Variants in LRP1B observed in about 807,000 individuals in gnomAD.
The protein encoded by LRP1B is LDL receptor related protein 1B.
LRP1B carries 217 observed loss-of-function variants against 556.6 expected under a neutral mutation model. The ratio of observed to expected loss-of-function variants is 0.39; its 90% CI spans 0.35 to 0.44. The LOEUF is 0.44. LRP1B is among the 20% of genes least tolerant of loss of function. The pLI is 1.00. For synonymous variants in LRP1B, 2,047 were observed against 1,865.8 expected (o/e 1.10, Z -2.50); for missense variants, 5,053 against 5,620.8 (o/e 0.90, Z 3.23).
chr2:140,531,759 A>G (rs575185252), intron 47 of LRP1B, among the ~76,000 whole-genome samples: 1 of 152,172 alleles, frequency 6.6e-6, no homozygotes, highest in Admixed American at 6.6e-5. Context: ...ACTGACACAC[A>G]TGAATGTCAT....
chr2:141,505,666 A>T (rs1189589566), intron 2 of LRP1B, among the ~76,000 whole-genome samples: 1 of 152,058 alleles, frequency 6.6e-6, no homozygotes, highest in Admixed American at 6.6e-5. Context: ...TTATAAAGTA[A>T]GCTTTTGAAA....
rs546804198 is a variant in LRP1B, at chr2:141,580,760, C to G, written c.206-100227G>C. On this transcript the variant is annotated intron_variant, in intron 2 of 90. Coordinates refer to ENST00000389484, the MANE Select transcript of LRP1B (RefSeq NM_018557.3). ...CACAAAACTTCACGGCAAACACCTT[C>G]GAGTTTTGAAAATGAGACATTTGTT... Among the ~76,000 whole-genome samples the G allele has an allele frequency of 7.9e-5, 12 of 152,310 alleles. No homozygotes were observed. The South Asian group carries it at 8.3e-4, about 11-fold the overall frequency.
At chr2:140,514,478 T>C (rs967692856) in intron 51 of LRP1B, among the ~76,000 whole-genome samples, 175 bp downstream of exon 51, 1 of 151,950 alleles carries the variant, frequency 6.6e-6, no homozygotes, top group Non-Finnish European at 1.5e-5. Flanking sequence ...CAGCTTTATA[T>C]ATAAAAATAT....
intron 1 of LRP1B, among the ~76,000 whole-genome samples, chr2:141,985,661 G>C (rs1702167466): frequency 6.6e-6 from 1 of 151,570 alleles, no homozygotes; most frequent in African/African-American, 2.4e-5. Flanking sequence ...AAAATGTGAT[G>C]AGAATTTTGA....
chr2:141,422,804 A>AT (rs890634867), intron 3 of LRP1B, among the ~76,000 whole-genome samples: 4 of 152,114 alleles, frequency 2.6e-5, no homozygotes, highest in African/African-American at 9.7e-5. Context: ...ATGCCAAGCT[A>AT]TTTTTCTATC....
chr2:140,544,054 A>G (rs1680234219), intron 43 of LRP1B, among the ~76,000 whole-genome samples: 1 of 152,116 alleles, frequency 6.6e-6, no homozygotes. Context: ...AGTATAATAT[A>G]TATGTGTCAT....
At chr2:141,586,825 C>T (rs555909188) in intron 2 of LRP1B, among the ~76,000 whole-genome samples, 243 of 151,964 alleles carry the variant, frequency 1.6e-3, no homozygotes, top group African/African-American at 5.7e-3. Flanking sequence ...GCCTGTAGTC[C>T]CAGCTACTTG....
chr2:141,827,711 A>G lies in LRP1B; in HGVS notation c.83-17310T>C, dbSNP rs554327723. On this transcript the variant is annotated intron_variant, in intron 1 of 90. Coordinates refer to ENST00000389484, the MANE Select transcript of LRP1B (RefSeq NM_018557.3). ...AAATTAATCTATTTAAGTTTAATCT[A>G]ATTTAGGTACAGGAGGCACAGCAAA... Among the ~76,000 whole-genome samples the G allele has an allele frequency of 2.1e-4, 32 of 152,150 alleles. No homozygotes were observed. The South Asian group carries it at 6.0e-3, about 29-fold the overall frequency.
chr2:140,232,512 G>GTGT lies in LRP1B; in HGVS notation c.*671_*673dup, dbSNP rs536371945. Reference sequence around the variant, plus strand: ...CCTAAATATAACTATTGCTTACAAGGTGTATACATTTAGTACATCACATAG... The same window carrying GTGT: ...CCTAAATATAACTATTGCTTACAAGGTGTTGTATACATTTAGTACATCACATAG... On this transcript the variant is annotated 3_prime_UTR_variant, in exon 91 of 91. Coordinates refer to ENST00000389484, the MANE Select transcript of LRP1B (RefSeq NM_018557.3). 8.8e-4 allele frequency: 134 copies of GTGT among 151,850 alleles called. No homozygotes were observed. Among genetic ancestry groups the GTGT allele is most frequent in the African/African-American group, 2.9e-3 (121 of 41,436 alleles). 9.4% of individuals were successfully genotyped at this position (151,850 alleles called of 1,614,324 possible).
rs981775980 is a variant in LRP1B at position 141,971,421 on chromosome 2, C to A, written c.82+159227G>T. Reference sequence around the variant, plus strand: ...TGTCTTCGTACACCCTTTGTTTTAGCCCATCTGTTCCAAGTTTGATAATGG... The same window carrying A: ...TGTCTTCGTACACCCTTTGTTTTAGACCATCTGTTCCAAGTTTGATAATGG... On this transcript the variant is annotated intron_variant, in intron 1 of 90. Transcript: ENST00000389484. Among the ~76,000 whole-genome samples, 3 of 151,418 alleles carry A rather than the reference C, an allele frequency of 2.0e-5. No homozygotes were observed. In the Admixed American group the frequency reaches 2.0e-4, roughly 10 times the overall value.
chr2:141,370,705 C>A (rs1292300517), intron 3 of LRP1B, among the ~76,000 whole-genome samples: 1 of 151,910 alleles, frequency 6.6e-6, no homozygotes, highest in Non-Finnish European at 1.5e-5. Context: ...AAGTCTTATT[C>A]GTGAATTCTT....
chr2:140,528,031 C>G (rs898286934), intron 47 of LRP1B, among the ~76,000 whole-genome samples: 2 of 151,798 alleles, frequency 1.3e-5, no homozygotes, highest in African/African-American at 4.8e-5. Flanking sequence ...CAGGAAGATA[C>G]TAATAGGGAC....
chr2:140,919,307 A>AT (rs911527902), intron 21 of LRP1B, among the ~76,000 whole-genome samples: 4 of 151,916 alleles, frequency 2.6e-5, no homozygotes, highest in Admixed American at 6.6e-5. Flanking sequence ...TACAACTTAT[A>AT]TTTTTTGTGT....
intron 6 of LRP1B, among the ~76,000 whole-genome samples, chr2:141,217,262 C>A (rs1312800940): frequency 2.0e-5 from 3 of 152,046 alleles, no homozygotes; most frequent in Non-Finnish European, 2.9e-5. Context: ...ATGGCAACTC[C>A]CTCCACTTTC....
chr2:141,396,076 T>G (rs1690228572), intron 3 of LRP1B, among the ~76,000 whole-genome samples: 1 of 152,172 alleles, frequency 6.6e-6, no homozygotes, highest in Non-Finnish European at 1.5e-5. Context: ...AGTTTATAGA[T>G]TCACAAAAGA....
intron 7 of LRP1B, among the ~76,000 whole-genome samples, chr2:141,062,951 A>T (rs1699376117): frequency 6.6e-6 from 1 of 151,810 alleles, no homozygotes; most frequent in Non-Finnish European, 1.5e-5. Flanking sequence ...AGTAATGTTG[A>T]CCTCTGAGAC....
intron 3 of LRP1B, among the ~76,000 whole-genome samples, chr2:141,401,080 T>C (rs1215256652): frequency 3.3e-5 from 5 of 152,222 alleles, no homozygotes; most frequent in Non-Finnish European, 7.3e-5. Context: ...AAATTCACAG[T>C]GTTTTGTAGC....
At chr2:141,453,472 A>G (rs1681501274) in intron 3 of LRP1B, among the ~76,000 whole-genome samples, 1 of 152,036 alleles carries the variant, frequency 6.6e-6, no homozygotes, top group Admixed American at 6.5e-5. Flanking sequence ...TTTTATCTGA[A>G]CTCTAATAAT....
intron 84 of LRP1B, among the ~76,000 whole-genome samples, chr2:140,292,776 A>G (rs1486397919): frequency 6.6e-6 from 1 of 152,172 alleles, no homozygotes; most frequent in Non-Finnish European, 1.5e-5. Context: ...TGACAGGCTC[A>G]TTGTAAACAT....
Sources: allele counts gnomAD v4.1 joint callset (sites outside exome capture counted in the v4.1 genomes callset), GRCh38; gene constraint gnomAD v4.1.1; transcripts MANE v1.5; gene names NCBI Gene and HGNC (gene_info 2026-07-23, HGNC 2026-07-21).